ADAM8: variants seen among roughly 807,000 people sequenced by gnomAD.
ADAM8 encodes disintegrin and metalloproteinase domain-containing protein 8.
Under a neutral mutation model 102.4 loss-of-function variants are expected in ADAM8, and 104 were observed. The observed-to-expected ratio is 1.02, with a 90% confidence interval of 0.87 to 1.20. The LOEUF (loss-of-function observed/expected upper bound fraction) is 1.20, where lower values mean the gene tolerates loss of function less well. Among genes scored for constraint, ADAM8 ranks in the 50% most tolerant of loss-of-function variants. The pLI, the probability that ADAM8 is intolerant of heterozygous loss-of-function variation, is 0.00. For missense variants in ADAM8, 1,132 were observed against 1,159.0 expected, an observed-to-expected ratio of 0.98 and a Z score of 0.34; for synonymous variants, 517 against 485.2, an observed-to-expected ratio of 1.07 and a Z score of -0.86.
chr10:133,274,933 G>A (rs944734261), intron 2 of ADAM8: 13 of 419,348 alleles, frequency 3.1e-5, no homozygotes, highest in African/African-American at 8.2e-5. Context: ...CGGGCAGGTC[G>A]GTAGTAGGTT....
intron 16 of ADAM8, 123 bp from the exon 17 acceptor site, chr10:133,270,097 GC>G: frequency 8.0e-7 from 1 of 1,243,550 alleles, no homozygotes; most frequent in Non-Finnish European, 1.1e-6. Flanking sequence ...CTGTGCTTCA[GC>G]CCATCTGCCG....
Position 133,270,805 on chromosome 10 carries a change from C to G in ADAM8, c.1565G>C (p.Gly522Ala). The G allele has an allele frequency of 6.2e-7, 1 of 1,606,870 alleles. No individual in the cohort carries two copies. The highest frequency in any genetic ancestry group is 8.5e-7 in the Non-Finnish European group (1 of 1,175,982). The change falls in exon 15 of 23, where the codon GGT (glycine) becomes GCT (alanine). Residue 522 changes from glycine (G) to alanine (A), a missense_variant and splice_region_variant. Gly to Ala is a moderately conservative substitution (Grantham distance 60). Coordinates refer to ENST00000445355, the MANE Select transcript of ADAM8 (RefSeq NM_001109.5). ...GCAGGACTCCTCGGCAGCCTGCCCACCTGTGGGACCAGAAGCGGGTTAGCC... is the reference window on the plus strand; with the variant it reads ...GCAGGACTCCTCGGCAGCCTGCCCAGCTGTGGGACCAGAAGCGGGTTAGCC... The part of the protein sequence containing the change: ...AQQCQAFWGP[G>A]GQAAEESCFS...
chr10:133,272,289 G>A lies in ADAM8; in HGVS notation c.876-15C>T. On this transcript the variant is annotated splice_polypyrimidine_tract_variant and intron_variant, in intron 9 of 22. Coordinates refer to ENST00000445355, the MANE Select transcript of ADAM8 (RefSeq NM_001109.5). ...AGTCGACACCCCTGGAAGTGGGAGT[G>A]ACACAGATGCCCTGGACACGGCTCC... The A allele has an allele frequency of 6.6e-7, 1 of 1,518,542 alleles. No homozygotes were observed. Among genetic ancestry groups the A allele is most frequent in the Non-Finnish European group, 8.9e-7 (1 of 1,126,064 alleles). The allele number at this position is 1,518,542 out of a possible 1,614,324, so 94.1% of individuals were successfully genotyped here.
chr10:133,267,324 G>C (rs758084453), intron 21 of ADAM8, 28 bp downstream of exon 21: 3 of 1,594,756 alleles, frequency 1.9e-6, no homozygotes, highest in East Asian at 4.5e-5. Flanking sequence ...CCCTCAGAAG[G>C]CTTGGCCGCC....
At chr10:133,274,589 G>C (rs1431602468) in intron 2 of ADAM8, among the ~76,000 whole-genome samples, 1 of 151,936 alleles carries the variant, frequency 6.6e-6, no homozygotes, top group African/African-American at 2.4e-5. Flanking sequence ...GGAAGGACAC[G>C]GTGCTCCTCG....
At chr10:133,267,246 G>C in intron 21 of ADAM8, 106 bp downstream of exon 21, 1 of 1,277,366 alleles carries the variant, frequency 7.8e-7, no homozygotes, top group South Asian at 1.3e-5. Flanking sequence ...GTACAGCAGG[G>C]GCCACCTGGG....
intron 21 of ADAM8, 149 bp downstream of exon 21, chr10:133,267,203 G>A: frequency 1.2e-6 from 1 of 826,790 alleles, no homozygotes; most frequent in Non-Finnish European, 2.0e-6. Context: ...TCTGTCTGAT[G>A]TCCTCACGAG....
At chr10:133,269,553 GCCAA>G (rs1846447892) in intron 17 of ADAM8, 24 bp from the exon 18 acceptor site, 1 of 1,574,318 alleles carries the variant, frequency 6.4e-7, no homozygotes, top group South Asian at 1.1e-5. Flanking sequence ...TGGGCTCAGG[GCCAA>G]CCCTGTTGTG....
At chr10:133,269,047 G>T in intron 18 of ADAM8, 185 bp from the exon 19 acceptor site, 1 of 985,464 alleles carries the variant, frequency 1.0e-6, no homozygotes, top group Non-Finnish European at 1.2e-6. Context: ...AGCTTGGCAG[G>T]GTGGCCCTGG....
chr10:133,273,563 C>T lies in ADAM8; in HGVS notation c.384-120G>A, dbSNP rs1027091794. On this transcript the variant is annotated intron_variant, in intron 5 of 22. Coordinates refer to ENST00000445355, the MANE Select transcript of ADAM8 (RefSeq NM_001109.5). ...CCCTACCCTGCCACCAGCAGCCCCC[C>T]GCAGGTGACTTCAGGCCCCAGGGTA... 104 of 1,319,140 alleles carry T rather than the reference C, an allele frequency of 7.9e-5. 1 individual carries two copies. The highest frequency in any genetic ancestry group is 3.3e-4 in the South Asian group (22 of 66,788). 81.7% of individuals were successfully genotyped at this position (1,319,140 alleles called of 1,614,324 possible).
chr10:133,263,688 CTCAGCTGGACCAGGGTTGG>C lies in ADAM8; in HGVS notation c.2378_2396del (p.Ala793GlyfsTer10). On this transcript the variant is annotated frameshift_variant and splice_region_variant, in exon 22 of 23. Transcript: ENST00000445355. LOFTEE classifies it low-confidence loss of function (END_TRUNC). The stretch of plus-strand genomic sequence containing the variant: ...TGCCTGGTGTGTGCTGGGGCCTCAC[CTCAGCTGGACCAGGGTTGG>C]CCGCACCAGCCCCGGGTTTGACTGG... The C allele has an allele frequency of 6.4e-7, 1 of 1,554,256 alleles. No homozygotes were observed. The highest frequency in any genetic ancestry group is 8.7e-7 in the Non-Finnish European group (1 of 1,149,152).
intron 11 of ADAM8, 29 bp from the exon 12 acceptor site, chr10:133,271,734 G>A: frequency 6.3e-7 from 1 of 1,576,408 alleles, no homozygotes; most frequent in Non-Finnish European, 8.6e-7. Context: ...ATTGGGGGAG[G>A]CGGCCTGGCC....
chr10:133,262,803 A>G lies in ADAM8; in HGVS notation c.*353T>C. On this transcript the variant is annotated 3_prime_UTR_variant, in exon 23 of 23. Coordinates refer to ENST00000445355, the MANE Select transcript of ADAM8 (RefSeq NM_001109.5). ...CAGCCGGCTCAGCAGGCCCCAGAGCAGGGGCAGGTGTGGCTGGGAGGGGCT... is the reference window on the plus strand; with the variant it reads ...CAGCCGGCTCAGCAGGCCCCAGAGCGGGGGCAGGTGTGGCTGGGAGGGGCT... The G allele has an allele frequency of 3.6e-6, 1 of 274,682 alleles. No individual in the cohort carries two copies. The highest frequency in any genetic ancestry group is 7.1e-6 in the Non-Finnish European group (1 of 141,740). The allele number at this position is 274,682 out of a possible 1,614,324, so 17.0% of individuals were successfully genotyped here. A position where few individuals can be genotyped will look rare whatever the true frequency, so the allele number is the denominator to read the frequency against.
chr10:133,264,716 G>A lies in ADAM8; in HGVS notation c.2320-951C>T, dbSNP rs375015051. On this transcript the variant is annotated intron_variant, in intron 21 of 22. Coordinates refer to ENST00000445355, the MANE Select transcript of ADAM8 (RefSeq NM_001109.5). ...CCCATCTACTGCCACGCCTGTTCCTGCTGCAGCCTCTGCCCCATCTACCTC... is the reference window on the plus strand; with the variant it reads ...CCCATCTACTGCCACGCCTGTTCCTACTGCAGCCTCTGCCCCATCTACCTC... 4.2e-5 allele frequency among the ~76,000 whole-genome samples: 6 copies of A among 144,380 alleles called. No individual in the cohort carries two copies. In the East Asian group the frequency reaches 8.2e-4, roughly 20 times the overall value. 94.7% of individuals were successfully genotyped at this position (144,380 alleles called of 152,430 possible).
At chr10:133,269,295 C>T (rs931939901) in intron 18 of ADAM8, 150 bp downstream of exon 18, 13 of 1,267,668 alleles carry the variant, frequency 1.0e-5, no homozygotes, top group South Asian at 1.6e-5. Flanking sequence ...GACAGACAGG[C>T]TCTGCCTATA....
At chr10:133,267,109 GAGA>G (rs1846347190) in intron 21 of ADAM8, among the ~76,000 whole-genome samples, 1 of 152,162 alleles carries the variant, frequency 6.6e-6, no homozygotes, top group African/African-American at 2.4e-5. Context: ...TGAGTGGAAG[GAGA>G]AGGAGCCAGG....
intron 19 of ADAM8, 87 bp from the exon 20 acceptor site, chr10:133,268,205 C>G: frequency 2.6e-6 from 3 of 1,164,884 alleles, no homozygotes; most frequent in Non-Finnish European, 3.3e-6. Flanking sequence ...CAGCTCCAGC[C>G]GACCCGAGAG....
In ADAM8 at chr10:133,274,242, G is replaced by A. The variant is rs747816173; in HGVS notation, c.151-7C>T. Reference sequence around the variant, plus strand: ...CCCTCTCTGGGTGCAGGCCCTGAGCGAGGAGGGAAGGGTCCCAGGTGAGCA... The same window carrying A: ...CCCTCTCTGGGTGCAGGCCCTGAGCAAGGAGGGAAGGGTCCCAGGTGAGCA... On this transcript the variant is annotated splice_region_variant and splice_polypyrimidine_tract_variant and intron_variant, in intron 2 of 22. Transcript: ENST00000445355. 1.6e-5 allele frequency: 25 copies of A among 1,543,422 alleles called. No homozygotes were observed. The South Asian group carries it at 2.5e-4, about 15-fold the overall frequency.
chr10:133,272,805 AC>A lies in ADAM8; in HGVS notation c.697del (p.Val233TrpfsTer40), dbSNP rs1254383588. The A allele has an allele frequency of 2.5e-6, 4 of 1,607,656 alleles. No individual in the cohort carries two copies. The highest frequency in any genetic ancestry group is 3.4e-6 in the Non-Finnish European group (4 of 1,177,574). The part of the protein sequence containing the change: ...RHRVLEVVNH[V>X]DKLYQKLNFR... ...GCCAGGACCGCTGCCCACCTTGTCC[AC>A]GTGATTCACCACCTCCAGCACCCGA... On this transcript the variant is annotated frameshift_variant, in exon 8 of 23. Coordinates refer to ENST00000445355, the MANE Select transcript of ADAM8 (RefSeq NM_001109.5). LOFTEE classifies it high-confidence loss of function.
Sources: allele counts gnomAD v4.1 joint callset (sites outside exome capture counted in the v4.1 genomes callset), GRCh38; gene constraint gnomAD v4.1.1; transcripts MANE v1.5; gene names NCBI Gene and HGNC (gene_info 2026-07-23, HGNC 2026-07-21).